Variants in KNTC1 observed in about 807,000 individuals in gnomAD.
The protein encoded by KNTC1 is kinetochore-associated protein 1.
Under a neutral mutation model 314.4 loss-of-function variants are expected in KNTC1, and 253 were observed. The observed-to-expected ratio is 0.80, with a 90% CI of 0.73 to 0.89. KNTC1 has a LOEUF of 0.89. KNTC1 is among the 40% of genes least tolerant of loss of function. The pLI is 0.00. For missense variants in KNTC1, 2,475 were observed against 2,572.9 expected, an observed-to-expected ratio of 0.96 and a Z score of 0.82; for synonymous variants, 901 against 901.4, an observed-to-expected ratio of 1.00 and a Z score of 0.01.
In KNTC1 at chr12:122,557,442, A is replaced by C; in HGVS notation, c.1331A>C (p.Asp444Ala). 6.2e-7 allele frequency: 1 copy of C among 1,613,676 alleles called. No individual in the cohort carries two copies. Among genetic ancestry groups the C allele is most frequent in the Non-Finnish European group, 8.5e-7 (1 of 1,179,642 alleles). ...ILEKLALSSV[D>A]ASEQTEWQQL... ...GAGAAACTGGCATTGAGTTCTGTGG[A>C]TGCCAGTGAACAGACCGAATGGCAA... Residue 444 changes from aspartate (D) to alanine (A), a missense_variant, in exon 17 of 64, where the codon GAT (aspartate) becomes GCT (alanine). By Grantham distance (126) the Asp-to-Ala change is moderately radical. Coordinates refer to ENST00000333479, the MANE Select transcript of KNTC1 (RefSeq NM_014708.6).
chr12:122,586,410 C>G (rs1446126902), intron 37 of KNTC1, among the ~76,000 whole-genome samples: 3 of 152,214 alleles, frequency 2.0e-5, no homozygotes, highest in African/African-American at 4.8e-5. Context: ...CTGGATGCTG[C>G]TTCTTCAGTT....
At chr12:122,548,492 G>T (rs1962954321) in intron 12 of KNTC1, among the ~76,000 whole-genome samples, 2 of 152,044 alleles carry the variant, frequency 1.3e-5, no homozygotes, top group South Asian at 4.2e-4. Flanking sequence ...TTACAGGTGT[G>T]AGCCACTGCG....
chr12:122,552,751 GAC>G (rs1258279370), intron 16 of KNTC1, among the ~76,000 whole-genome samples: 1 of 152,128 alleles, frequency 6.6e-6, no homozygotes, highest in Admixed American at 6.6e-5. Flanking sequence ...ATTTTAGAAA[GAC>G]AAAGAATTTG....
intron 35 of KNTC1, 112 bp downstream of exon 35, chr12:122,584,562 T>G (rs1477473286): frequency 2.8e-6 from 2 of 714,860 alleles, no homozygotes; most frequent in Non-Finnish European, 4.5e-6. Context: ...CTAGAGATAG[T>G]ATCTGCATTT....
chr12:122,598,722 A>G (rs1210925726), intron 44 of KNTC1, among the ~76,000 whole-genome samples: 3 of 152,058 alleles, frequency 2.0e-5, no homozygotes, highest in Non-Finnish European at 4.4e-5. Flanking sequence ...GGCCCAGTGA[A>G]CCGTCATTTT....
chr12:122,557,281 AC>A, intron 16 of KNTC1, 102 bp from the exon 17 acceptor site: 4 of 1,086,570 alleles, frequency 3.7e-6, no homozygotes, highest in Non-Finnish European at 5.4e-6. Context: ...ATGAGGATTC[AC>A]CTTTTTGAAG....
rs941527026 is a variant in KNTC1 at position 122,557,679 on chromosome 12, C to T, written c.1478C>T (p.Ala493Val). 1 of 1,611,784 alleles carries T rather than the reference C, an allele frequency of 6.2e-7. No homozygotes were observed. ...YETTQEMLNYAKTRLLKKEDK... is the reference protein window; with the variant it reads ...YETTQEMLNYVKTRLLKKEDK... ...ACCACTCAAGAGATGCTGAATTATG[C>T]CAAAACCAGGGTAGGTTCGTTTTTT... The change falls in exon 18 of 64, where the codon GCC becomes GTC. Residue 493 changes from alanine (A) to valine (V), a missense_variant. Transcript: ENST00000333479.
In KNTC1 at chr12:122,577,672, G is replaced by A. The variant is rs201253327; in HGVS notation, c.2722G>A (p.Gly908Ser). Residue 908 changes from glycine to serine, a missense_variant and splice_region_variant, in exon 31 of 64, where the codon GGT becomes AGT. Gly to Ser is a moderately conservative substitution (Grantham distance 56). Coordinates refer to ENST00000333479, the MANE Select transcript of KNTC1 (RefSeq NM_014708.6). ...RIIDLIDREQ[G>S]EDCLLLLKSL... ...TCTTCCTTTCAAACCCTGTTTATAG[G>A]GTGAAGACTGTCTCCTTCTGTTGAA... The A allele has an allele frequency of 1.9e-4, 312 of 1,612,860 alleles. No homozygotes were observed. In the East Asian group the frequency reaches 4.8e-3, roughly 25 times the overall value.
At chr12:122,580,525 T>C in intron 32 of KNTC1, 78 bp from the exon 33 acceptor site, 1 of 861,570 alleles carries the variant, frequency 1.2e-6, no homozygotes, top group Non-Finnish European at 1.9e-6. Flanking sequence ...CCAAAGCTAA[T>C]TAAAATTTCT....
intron 43 of KNTC1, among the ~76,000 whole-genome samples, chr12:122,594,823 T>C (rs1593640749): frequency 1.3e-5 from 2 of 152,364 alleles, no homozygotes; most frequent in East Asian, 3.9e-4. Context: ...AAAAGTATGA[T>C]TTAGGGAGAA....
intron 20 of KNTC1, among the ~76,000 whole-genome samples, chr12:122,566,189 C>T (rs562128915): frequency 6.6e-6 from 1 of 151,690 alleles, no homozygotes; most frequent in Non-Finnish European, 1.5e-5. Flanking sequence ...AATCTGCCCG[C>T]GTCAGCCTCC....
At chr12:122,600,761 G>C (rs1375269877) in intron 44 of KNTC1, among the ~76,000 whole-genome samples, 1 of 151,892 alleles carries the variant, frequency 6.6e-6, no homozygotes, top group Non-Finnish European at 1.5e-5. Flanking sequence ...CACCTCCCAG[G>C]TTCAAGCAAT....
In KNTC1 at chr12:122,557,393, A is replaced by T. The variant is rs1374877303; in HGVS notation, c.1282A>T (p.Lys428Ter). Residue 428 changes from lysine to a stop codon, truncating the protein, a stop_gained, in exon 17 of 64, where the codon AAG becomes TAG. Transcript: ENST00000333479. LOFTEE classifies it high-confidence loss of function. ...CGTGTTTATATTACAGCTTGTTTAC[A>T]AGGTCAAGTCAAATCATATATTGGA... is the stretch of plus-strand genomic sequence containing the variant. ...QFGLDVELVY[K>*]VKSNHILEKL... The T allele has an allele frequency of 6.2e-7, 1 of 1,612,044 alleles. No individual in the cohort carries two copies. The highest frequency in any genetic ancestry group is 2.2e-5 in the East Asian group (1 of 44,848).
At chr12:122,621,650 T>G (rs1874450977) in intron 60 of KNTC1, among the ~76,000 whole-genome samples, 1 of 152,236 alleles carries the variant, frequency 6.6e-6, no homozygotes. Context: ...TGCATATTTT[T>G]TATTTGTCAT....
chr12:122,607,514 ATT>A (rs1247821276), intron 51 of KNTC1, among the ~76,000 whole-genome samples: 1 of 152,126 alleles, frequency 6.6e-6, no homozygotes, highest in Non-Finnish European at 1.5e-5. Context: ...CAAATTACTT[ATT>A]TTTAGCATCA....
rs116416374 is a variant in KNTC1 at position 122,531,215 on chromosome 12, G to C, written c.129+1023G>C. On this transcript the variant is annotated intron_variant, in intron 2 of 63. Coordinates refer to ENST00000333479, the MANE Select transcript of KNTC1 (RefSeq NM_014708.6). ...TTAAAAAGAAATCATTCTTTATGCA[G>C]CTTTAAGCTGGTGTCTGTGGAACTG... 7.6e-3 allele frequency among the ~76,000 whole-genome samples: 1,152 copies of C among 151,960 alleles called. 13 individuals are homozygous for C. Among genetic ancestry groups the C allele is most frequent in the African/African-American group, 0.027 (1,114 of 41,448 alleles).
At chr12:122,550,879 G>A (rs951778773) in intron 13 of KNTC1, among the ~76,000 whole-genome samples, 44 of 152,118 alleles carry the variant, frequency 2.9e-4, no homozygotes, top group African/African-American at 9.9e-4. Flanking sequence ...TCTCTATTTG[G>A]ATTTGATTGT....
intron 42 of KNTC1, among the ~76,000 whole-genome samples, chr12:122,592,603 C>T (rs1399950823): frequency 1.3e-5 from 2 of 152,210 alleles, no homozygotes; most frequent in African/African-American, 4.8e-5. Context: ...CACTCTGTAT[C>T]TAGCTGCTCT....
At chr12:122,566,758 GTTTT>G (rs35657504) in intron 20 of KNTC1, among the ~76,000 whole-genome samples, 2 of 92,400 alleles carry the variant, frequency 2.2e-5, no homozygotes, top group Admixed American at 1.5e-4. Flanking sequence ...GTCCAGGCTG[GTTTT>G]TTTTTTTTTT....
Sources: allele counts gnomAD v4.1 joint callset (sites outside exome capture counted in the v4.1 genomes callset), GRCh38; gene constraint gnomAD v4.1.1; transcripts MANE v1.5; gene names NCBI Gene and HGNC (gene_info 2026-07-23, HGNC 2026-07-21).